Variants in RABGAP1L observed in about 807,000 individuals in gnomAD.
RABGAP1L encodes rab GTPase-activating protein 1-like.
A neutral mutation model predicts 137.7 loss-of-function variants in RABGAP1L; 63 were observed. That is an observed-to-expected ratio of 0.46 (90% CI 0.37 to 0.56). The LOEUF (loss-of-function observed/expected upper bound fraction) is 0.56, where lower values mean the gene tolerates loss of function less well. RABGAP1L is among the 20% of genes least tolerant of loss of function. RABGAP1L has a pLI of 0.00. For synonymous variants in RABGAP1L, 431 were observed against 433.7 expected (o/e 0.99, Z 0.08); for missense variants, 1,095 against 1,244.0 (o/e 0.88, Z 1.80).
intron 13 of RABGAP1L, among the ~76,000 whole-genome samples, chr1:174,427,144 ATGTG>A (rs57986877): frequency 0.096 from 13,797 of 144,440 alleles, 693 homozygotes; most frequent in African/African-American, 0.13. Context: ...CCGCATGTTT[ATGTG>A]TGTGTGTGTG....
rs1261151640 is a variant in RABGAP1L, at chr1:174,992,636, T to C, written c.*2635T>C. On this transcript the variant is annotated 3_prime_UTR_variant, in exon 26 of 26. Coordinates refer to ENST00000681986, the MANE Select transcript of RABGAP1L (RefSeq NM_001366446.1). The stretch of plus-strand genomic sequence containing the variant: ...CTTCACTGCAATGCCTTTGAGTCAG[T>C]AGCAATAGTAAAGACTAGAAACAAA... 1 of 152,096 alleles carries C rather than the reference T, an allele frequency of 6.6e-6. No individual in the cohort carries two copies. The highest frequency in any genetic ancestry group is 2.4e-5 in the African/African-American group (1 of 41,426). The allele number at this position is 152,096 out of a possible 1,614,324, so 9.4% of individuals were successfully genotyped here. A position where few individuals can be genotyped will look rare whatever the true frequency, so the allele number is the denominator to read the frequency against.
intron 11 of RABGAP1L, among the ~76,000 whole-genome samples, chr1:174,349,642 C>T (rs1329772383): frequency 7.2e-6 from 1 of 139,328 alleles, no homozygotes; most frequent in Non-Finnish European, 1.6e-5. Context: ...GGGCTGACCC[C>T]CCCACCTCCC....
intron 20 of RABGAP1L, among the ~76,000 whole-genome samples, chr1:174,966,438 G>T (rs1396823828): frequency 6.6e-6 from 1 of 152,084 alleles, no homozygotes; most frequent in East Asian, 1.9e-4. Flanking sequence ...CTGGCTGGGA[G>T]GAAATTTATT....
At chr1:174,330,372 G>C (rs1001548564) in intron 11 of RABGAP1L, among the ~76,000 whole-genome samples, 3 of 152,148 alleles carry the variant, frequency 2.0e-5, no homozygotes, top group Non-Finnish European at 4.4e-5. Context: ...TTGAAGGCAA[G>C]AGTTTGAGAC....
chr1:174,184,545 A>G (rs930301217), intron 1 of RABGAP1L, among the ~76,000 whole-genome samples: 1 of 152,232 alleles, frequency 6.6e-6, no homozygotes, highest in Admixed American at 6.5e-5. Flanking sequence ...ATTTAAATTC[A>G]CTTAAAATGT....
chr1:174,880,061 T>A (rs1653900366), intron 19 of RABGAP1L, among the ~76,000 whole-genome samples: 1 of 49,034 alleles, frequency 2.0e-5, no homozygotes, highest in African/African-American at 9.8e-5. Flanking sequence ...CAAGACTCTG[T>A]CTCAAAAAAA....
At chr1:174,334,427 C>T (rs1681296793) in intron 11 of RABGAP1L, among the ~76,000 whole-genome samples, 1 of 152,282 alleles carries the variant, frequency 6.6e-6, no homozygotes, top group East Asian at 1.9e-4. Flanking sequence ...GACATTATTC[C>T]TCTTCTGAAA....
In RABGAP1L at chr1:174,883,329, C is replaced by T. The variant is rs1178678358; in HGVS notation, c.2340+71369C>T. 2.6e-5 allele frequency among the ~76,000 whole-genome samples: 4 copies of T among 152,176 alleles called. No homozygotes were observed. In the East Asian group the frequency reaches 7.7e-4, roughly 29 times the overall value. The stretch of plus-strand genomic sequence containing the variant: ...AGTGAAAGCTGTAACTAATTGTCTC[C>T]TTTTCTAATAAGGGAGGAACTAATC... On this transcript the variant is annotated intron_variant, in intron 19 of 25. Coordinates refer to ENST00000681986, the MANE Select transcript of RABGAP1L (RefSeq NM_001366446.1).
intron 7 of RABGAP1L, among the ~76,000 whole-genome samples, chr1:174,255,173 T>A (rs1673018955): frequency 6.6e-6 from 1 of 152,204 alleles, no homozygotes; most frequent in South Asian, 2.1e-4. Flanking sequence ...TTGTCACCTT[T>A]TTTTCATGAG....
intron 13 of RABGAP1L, among the ~76,000 whole-genome samples, chr1:174,600,889 G>T (rs2148170036): frequency 6.6e-6 from 1 of 152,330 alleles, no homozygotes; most frequent in African/African-American, 2.4e-5. Context: ...TGTGGGCACT[G>T]CCTGTGTTGG....
At chr1:174,797,734 G>GGT (rs922712228) in intron 18 of RABGAP1L, among the ~76,000 whole-genome samples, 7 of 149,680 alleles carry the variant, frequency 4.7e-5, no homozygotes, top group Non-Finnish European at 1.0e-4. Context: ...TGTGGGTGTG[G>GGT]GTGTGTGTGT....
At chr1:174,503,410 C>A (rs1209984668) in intron 13 of RABGAP1L, among the ~76,000 whole-genome samples, 1 of 151,866 alleles carries the variant, frequency 6.6e-6, no homozygotes, top group African/African-American at 2.4e-5. Context: ...GCCTGTAATC[C>A]CAGCACTTTG....
chr1:174,281,831 T>A (rs1427782407), intron 10 of RABGAP1L, among the ~76,000 whole-genome samples: 2 of 152,218 alleles, frequency 1.3e-5, no homozygotes, highest in African/African-American at 4.8e-5. Flanking sequence ...AAAATTAAGA[T>A]CCCTCACTCT....
chr1:174,470,698 T>C (rs564376665), intron 13 of RABGAP1L, among the ~76,000 whole-genome samples: 3 of 151,946 alleles, frequency 2.0e-5, no homozygotes, highest in African/African-American at 7.2e-5. Flanking sequence ...ACCTGGGAGA[T>C]GGAGGTTACA....
chr1:174,377,120 A>G (rs538716425), intron 12 of RABGAP1L, among the ~76,000 whole-genome samples: 3 of 152,336 alleles, frequency 2.0e-5, no homozygotes, highest in South Asian at 2.1e-4. Flanking sequence ...AAGGAAAACC[A>G]TGAAATATAT....
intron 13 of RABGAP1L, among the ~76,000 whole-genome samples, chr1:174,517,862 T>G (rs893624277): frequency 2.0e-5 from 3 of 152,230 alleles, no homozygotes; most frequent in Non-Finnish European, 1.5e-5. Context: ...ACATCGTTCT[T>G]TATATATGCT....
At chr1:174,200,832 A>G (rs915936181) in intron 1 of RABGAP1L, among the ~76,000 whole-genome samples, 4 of 152,252 alleles carry the variant, frequency 2.6e-5, no homozygotes, top group Non-Finnish European at 5.9e-5. Context: ...ATTTATATAA[A>G]TAACCTTTAT....
At chr1:174,532,235 G>A (rs763331495) in intron 13 of RABGAP1L, among the ~76,000 whole-genome samples, 5 of 151,088 alleles carry the variant, frequency 3.3e-5, no homozygotes, top group African/African-American at 7.3e-5. Flanking sequence ...TTGGGACACA[G>A]TCTTGCTCTG....
intron 13 of RABGAP1L, among the ~76,000 whole-genome samples, chr1:174,509,624 C>T (rs1572106257): frequency 6.6e-6 from 1 of 152,278 alleles, no homozygotes; most frequent in Admixed American, 6.5e-5. Flanking sequence ...ATTCCTACCA[C>T]AACACTTTAT....
Sources: allele counts gnomAD v4.1 joint callset (sites outside exome capture counted in the v4.1 genomes callset), GRCh38; gene constraint gnomAD v4.1.1; transcripts MANE v1.5; gene names NCBI Gene and HGNC (gene_info 2026-07-23, HGNC 2026-07-21).